Variants in NCKAP5 observed in about 807,000 individuals in gnomAD.
NCKAP5 encodes the protein NCK associated protein 5.
Under a neutral mutation model 167.0 loss-of-function variants are expected in NCKAP5, and 92 were observed. The ratio of observed to expected loss-of-function variants is 0.55; its 90% CI spans 0.47 to 0.66. The LOEUF (loss-of-function observed/expected upper bound fraction) is 0.66, where lower values mean the gene tolerates loss of function less well. Ranked by LOEUF, NCKAP5 falls within the 30% of genes least tolerant of loss-of-function variation. NCKAP5 has a pLI of 0.00. For missense variants in NCKAP5, 2,378 were observed against 2,315.0 expected (o/e 1.03, Z -0.56); for synonymous variants, 891 against 877.4 (o/e 1.02, Z -0.27).
the NCKAP5 span, among the ~76,000 whole-genome samples, chr2:133,650,701 C>T: frequency 0.087 from 13,155 of 151,942 alleles, 662 homozygotes; most frequent in African/African-American, 0.12. Flanking sequence ...ATGGCAAAAC[C>T]CCATCTCTGG....
chr2:133,561,265 T>C (rs1050654848), intron 1 of NCKAP5, among the ~76,000 whole-genome samples: 5 of 152,226 alleles, frequency 3.3e-5, no homozygotes, highest in Admixed American at 3.3e-4. Context: ...GCAATCTGCA[T>C]GAACACCGTC....
chr2:133,121,117 A>C (rs2082237699), intron 6 of NCKAP5, among the ~76,000 whole-genome samples: 1 of 152,176 alleles, frequency 6.6e-6, no homozygotes, highest in African/African-American at 2.4e-5. Flanking sequence ...ATTTGTAGAA[A>C]ATACCGATGC....
chr2:133,614,453 A>C, the NCKAP5 span, among the ~76,000 whole-genome samples: 1 of 152,110 alleles, frequency 6.6e-6, no homozygotes, highest in African/African-American at 2.4e-5. Flanking sequence ...GAAGTGCTTA[A>C]AGGAGCTGAT....
At chr2:133,013,813 G>T (rs760108686) in intron 6 of NCKAP5, among the ~76,000 whole-genome samples, 1 of 152,084 alleles carries the variant, frequency 6.6e-6, no homozygotes, top group African/African-American at 2.4e-5. Context: ...ACATCCTTCT[G>T]TGTTGGAAGT....
At chr2:133,671,214 C>CAAAAAAAAAAAAAAAA in the NCKAP5 span, among the ~76,000 whole-genome samples, 7 of 53,982 alleles carry the variant, frequency 1.3e-4, no homozygotes, top group East Asian at 4.8e-4. Context: ...GACTCCGTCT[C>CAAAAAAAAAAAAAAAA]AAAAAAAAAA....
chr2:133,319,854 C>G (rs936850123), intron 3 of NCKAP5, among the ~76,000 whole-genome samples: 1 of 152,140 alleles, frequency 6.6e-6, no homozygotes, highest in Non-Finnish European at 1.5e-5. Context: ...AGTTATCATG[C>G]TTTTCATGCA....
At chr2:133,550,704 C>T (rs1687213325) in intron 2 of NCKAP5, among the ~76,000 whole-genome samples, 1 of 126,982 alleles carries the variant, frequency 7.9e-6, no homozygotes, top group African/African-American at 3.0e-5. Flanking sequence ...GGGATGCCCT[C>T]TCTCACCACT....
intron 19 of NCKAP5, among the ~76,000 whole-genome samples, chr2:132,715,630 A>C (rs1689294484): frequency 6.6e-6 from 1 of 152,246 alleles, no homozygotes. Context: ...TAAGAGACTT[A>C]ATGTGTAGCA....
At chr2:133,178,243 A>C (rs1368747560) in intron 5 of NCKAP5, among the ~76,000 whole-genome samples, 1 of 152,146 alleles carries the variant, frequency 6.6e-6, no homozygotes, top group African/African-American at 2.4e-5. Flanking sequence ...TCATGCCTGT[A>C]ATCCCAGCAC....
chr2:133,522,464 T>C (rs750785073), intron 2 of NCKAP5, among the ~76,000 whole-genome samples: 1 of 152,196 alleles, frequency 6.6e-6, no homozygotes, highest in Non-Finnish European at 1.5e-5. Flanking sequence ...TTTGTTATTG[T>C]CAGTCTTCTG....
At chr2:133,059,440 G>A (rs989031593) in intron 6 of NCKAP5, among the ~76,000 whole-genome samples, 8 of 152,154 alleles carry the variant, frequency 5.3e-5, no homozygotes, top group African/African-American at 1.9e-4. Context: ...ACTTTGGGAG[G>A]CTGAGGTGGG....
chr2:132,696,659 T>C (rs1380245532), intron 19 of NCKAP5, among the ~76,000 whole-genome samples: 1 of 152,134 alleles, frequency 6.6e-6, no homozygotes, highest in Non-Finnish European at 1.5e-5. Context: ...TCATCGTACA[T>C]GATTCACTGG....
Position 132,784,715 on chromosome 2 carries a change from T to C in NCKAP5, c.2096A>G (p.Asn699Ser), listed in dbSNP as rs963485819. The C allele has an allele frequency of 1.9e-6, 3 of 1,613,916 alleles. No homozygotes were observed. Among genetic ancestry groups the C allele is most frequent in the Non-Finnish European group, 2.5e-6 (3 of 1,179,900 alleles). Residue 699 changes from asparagine (N) to serine (S), a missense_variant, in exon 14 of 20, where the codon AAT becomes AGT. By Grantham distance (46) the Asn-to-Ser change is conservative. Transcript: ENST00000409261. Reference protein sequence around the residue: ...VTVTRNEISINSTPAGPKAEH... With the variant: ...VTVTRNEISISSTPAGPKAEH... ...TGCCTTGGGTCCAGCAGGAGTTGAA[T>C]TGATGGAAATCTCATTTCTGGTAAC...
intron 18 of NCKAP5, 133 bp from the exon 19 acceptor site, chr2:132,725,892 C>G (rs181057463): frequency 3.2e-6 from 3 of 942,518 alleles, no homozygotes; most frequent in Non-Finnish European, 4.6e-6. Context: ...CTGCCCAGCC[C>G]GCCGCTCACC....
At chr2:133,548,199 G>A (rs1686923477) in intron 2 of NCKAP5, among the ~76,000 whole-genome samples, 2 of 151,934 alleles carry the variant, frequency 1.3e-5, no homozygotes, top group Admixed American at 6.6e-5. Flanking sequence ...AAAGAAATGA[G>A]CAAAACCTCC....
chr2:133,409,774 T>C (rs1688664779), intron 3 of NCKAP5, among the ~76,000 whole-genome samples: 3 of 152,186 alleles, frequency 2.0e-5, no homozygotes, highest in African/African-American at 4.8e-5. Context: ...GGCAAAGAAA[T>C]GCTTTCCCAT....
intron 19 of NCKAP5, among the ~76,000 whole-genome samples, chr2:132,723,909 C>G (rs1329471399): frequency 6.6e-6 from 1 of 152,182 alleles, no homozygotes; most frequent in Non-Finnish European, 1.5e-5. Context: ...TTTAAGTCAT[C>G]CAAATTCCCT....
intron 8 of NCKAP5, among the ~76,000 whole-genome samples, chr2:132,881,121 C>A (rs954490383): frequency 1.3e-5 from 2 of 152,168 alleles, no homozygotes; most frequent in African/African-American, 2.4e-5. Context: ...GTACTGCATT[C>A]GACTGTCATT....
chr2:133,487,495 T>C (rs536432097), intron 3 of NCKAP5, among the ~76,000 whole-genome samples: 2 of 152,134 alleles, frequency 1.3e-5, no homozygotes, highest in Non-Finnish European at 2.9e-5. Context: ...CATAGAATGG[T>C]CAGGGGGTGG....
Sources: allele counts gnomAD v4.1 joint callset (sites outside exome capture counted in the v4.1 genomes callset), GRCh38; gene constraint gnomAD v4.1.1; transcripts MANE v1.5; gene names NCBI Gene and HGNC (gene_info 2026-07-23, HGNC 2026-07-21).